AP3B1: variants seen among roughly 807,000 people sequenced by gnomAD.
AP3B1 encodes adaptor related protein complex 3 subunit beta 1, also known as AP-3 complex subunit beta-1.
AP3B1 carries 61 observed loss-of-function variants against 132.5 expected under a neutral mutation model. The ratio of observed to expected loss-of-function variants is 0.46; its 90% CI spans 0.37 to 0.57. The LOEUF (loss-of-function observed/expected upper bound fraction) is 0.57. Ranked by LOEUF, AP3B1 falls within the 20% of genes least tolerant of loss-of-function variation. AP3B1 has a pLI of 0.00. For missense variants in AP3B1, 1,120 were observed against 1,289.4 expected (o/e 0.87, Z 2.01); for synonymous variants, 388 against 438.3 (o/e 0.89, Z 1.43).
rs146829387 is a variant in AP3B1, at chr5:78,110,278, C to T, written c.2326G>A (p.Glu776Lys). Reference protein sequence around the residue: ...DSSNDESSSIEDSSSDSESES... With the variant: ...DSSNDESSSIKDSSSDSESES... Reference sequence around the variant, plus strand: ...GATTCAGAATCGGAAGAACTGTCTTCTATTGAACTAGATTCGTCATTTGAA... The same window carrying T: ...GATTCAGAATCGGAAGAACTGTCTTTTATTGAACTAGATTCGTCATTTGAA... Residue 776 changes from glutamate to lysine, a missense_variant, in exon 20 of 27, where the codon GAA (glutamate) becomes AAA (lysine). Glu to Lys is a moderately conservative substitution (Grantham distance 56, BLOSUM62 1). Coordinates refer to ENST00000255194, the MANE Select transcript of AP3B1 (RefSeq NM_003664.5). 10 of 1,609,140 alleles carry T rather than the reference C, an allele frequency of 6.2e-6. No individual in the cohort carries two copies. In the African/African-American group the frequency reaches 1.2e-4, roughly 19 times the overall value.
intron 1 of AP3B1, among the ~76,000 whole-genome samples, chr5:78,288,092 G>A (rs557448541): frequency 1.5e-4 from 23 of 152,234 alleles, no homozygotes; most frequent in African/African-American, 5.3e-4. Flanking sequence ...ACACTTCAAC[G>A]TCTCAAACTA....
intron 22 of AP3B1, among the ~76,000 whole-genome samples, chr5:78,045,109 G>A (rs1748267948): frequency 6.6e-6 from 1 of 151,928 alleles, no homozygotes; most frequent in Admixed American, 6.6e-5. Flanking sequence ...AGCCAGGTGT[G>A]GTGGCTCATG....
At chr5:78,261,856 A>T (rs1748109692) in intron 2 of AP3B1, among the ~76,000 whole-genome samples, 1 of 151,334 alleles carries the variant, frequency 6.6e-6, no homozygotes, top group South Asian at 2.1e-4. Context: ...GGTTCAAGCA[A>T]TTCTCCTGCC....
At chr5:78,096,906 G>A (rs1343165537) in intron 21 of AP3B1, among the ~76,000 whole-genome samples, 4 of 143,418 alleles carry the variant, frequency 2.8e-5, no homozygotes, top group African/African-American at 7.9e-5. Context: ...CCCCCCGCCC[G>A]GCCAGCCGCC....
chr5:78,185,772 A>T (rs949754861), intron 7 of AP3B1, among the ~76,000 whole-genome samples: 18 of 152,280 alleles, frequency 1.2e-4, no homozygotes, highest in African/African-American at 4.3e-4. Flanking sequence ...CAGGAGGCTG[A>T]GGTGGGAGGA....
In AP3B1 at chr5:78,178,013, G is replaced by GA. The variant is rs1329403238; in HGVS notation, c.943-578dup. Reference sequence around the variant, plus strand: ...GTGCTATGAAAAGAATACATCCTCAGAAAAAAAAAGAGACACTGAATGAAC... The same window carrying GA: ...GTGCTATGAAAAGAATACATCCTCAGAAAAAAAAAAGAGACACTGAATGAAC... On this transcript the variant is annotated intron_variant, in intron 8 of 26. Coordinates refer to ENST00000255194, the MANE Select transcript of AP3B1 (RefSeq NM_003664.5). Among the ~76,000 whole-genome samples the GA allele has an allele frequency of 3.3e-5, 5 of 150,736 alleles. No individual in the cohort carries two copies. The East Asian group carries it at 5.8e-4, about 17-fold the overall frequency.
chr5:78,166,174 A>T, intron 11 of AP3B1, among the ~76,000 whole-genome samples: 1 of 139,396 alleles, frequency 7.2e-6, no homozygotes, highest in East Asian at 2.1e-4. Context: ...CACACACACA[A>T]ATCATATTGT....
chr5:78,004,475 C>G (rs1046573031), intron 26 of AP3B1, among the ~76,000 whole-genome samples: 3 of 152,082 alleles, frequency 2.0e-5, no homozygotes, highest in Non-Finnish European at 2.9e-5. Context: ...AAAGTAATTT[C>G]TTTTTTGGGT....
At chr5:78,127,963 T>C in intron 17 of AP3B1, 67 bp downstream of exon 17, 4 of 1,582,758 alleles carry the variant, frequency 2.5e-6, no homozygotes, top group Admixed American at 1.7e-5. Context: ...AGCTTTTATA[T>C]AAAACAATAG....
chr5:78,036,328 C>G (rs1042712817), intron 23 of AP3B1, among the ~76,000 whole-genome samples: 1 of 152,090 alleles, frequency 6.6e-6, no homozygotes, highest in African/African-American at 2.4e-5. Flanking sequence ...AAAGCTTACC[C>G]AATTAGGTGT....
At chr5:78,262,264 CTTGT>C (rs1385389637) in intron 2 of AP3B1, among the ~76,000 whole-genome samples, 1 of 151,702 alleles carries the variant, frequency 6.6e-6, no homozygotes, top group Non-Finnish European at 1.5e-5. Flanking sequence ...TTTTACTGTT[CTTGT>C]TTTAGTGTTG....
chr5:78,084,521 C>CAAAAAAAAAAAA (rs568637894), intron 22 of AP3B1, among the ~76,000 whole-genome samples: 13 of 43,994 alleles, frequency 3.0e-4, no homozygotes, highest in East Asian at 9.5e-4. Context: ...CAGACCCTGT[C>CAAAAAAAAAAAA]AAAAAAAAAA....
chr5:78,057,159 C>A (rs112094151), intron 22 of AP3B1, among the ~76,000 whole-genome samples: 1 of 152,190 alleles, frequency 6.6e-6, no homozygotes, highest in African/African-American at 2.4e-5. Flanking sequence ...AGATTTCCCA[C>A]GGCATGAATC....
chr5:78,047,448 A>G (rs751509047), intron 22 of AP3B1, among the ~76,000 whole-genome samples: 8 of 152,156 alleles, frequency 5.3e-5, no homozygotes, highest in Non-Finnish European at 8.8e-5. Flanking sequence ...TTCTCTAATG[A>G]CCAGTGATGA....
In AP3B1 at chr5:78,128,160, T is replaced by C; in HGVS notation, c.1838A>G (p.Asp613Gly). Residue 613 changes from aspartate (D) to glycine (G), a missense_variant and splice_region_variant, in exon 17 of 27, where the codon GAT becomes GGT. Physicochemically the swap from Asp to Gly is moderately conservative, Grantham distance 94. This residue lies in a region of AP3B1 where 906 missense variants were observed against 997.1 expected (regional missense o/e 0.91). Coordinates refer to ENST00000255194, the MANE Select transcript of AP3B1 (RefSeq NM_003664.5). ...PAPLLESPFK[D>G]RDHFQLGTLS... ...GGTGCCAAGCTGGAAATGATCTCTATCTATTAAAAATAGGGAAAAATATAA... is the reference window on the plus strand; with the variant it reads ...GGTGCCAAGCTGGAAATGATCTCTACCTATTAAAAATAGGGAAAAATATAA... The C allele has an allele frequency of 1.3e-6, 2 of 1,599,874 alleles. No homozygotes were observed. Among genetic ancestry groups the C allele is most frequent in the Non-Finnish European group, 1.7e-6 (2 of 1,167,970 alleles).
At chr5:78,088,971 A>T (rs1750386175) in intron 22 of AP3B1, 1 of 160,446 alleles carries the variant, frequency 6.2e-6, no homozygotes, top group African/African-American at 2.4e-5. Flanking sequence ...CAGAAAAAAA[A>T]ATCTTGAACT....
chr5:78,053,810 C>T (rs2112129823), intron 22 of AP3B1, among the ~76,000 whole-genome samples: 1 of 152,174 alleles, frequency 6.6e-6, no homozygotes, highest in Middle Eastern at 3.4e-3. Context: ...TCTAATTTGC[C>T]CCCGTCATTA....
intron 12 of AP3B1, among the ~76,000 whole-genome samples, chr5:78,163,355 C>T (rs1289072512): frequency 6.6e-6 from 1 of 151,962 alleles, no homozygotes; most frequent in African/African-American, 2.4e-5. Flanking sequence ...TTTTCAGAGA[C>T]ACTAAATCTA....
chr5:78,094,658 CA>C (rs1270013118), intron 21 of AP3B1, among the ~76,000 whole-genome samples: 1 of 151,956 alleles, frequency 6.6e-6, no homozygotes, highest in East Asian at 1.9e-4. Flanking sequence ...ATGCCTCTAA[CA>C]GCTTGACTGA....
Sources: allele counts gnomAD v4.1 joint callset (sites outside exome capture counted in the v4.1 genomes callset), GRCh38; gene constraint gnomAD v4.1.1; regional missense constraint gnomAD v4.1.1; transcripts MANE v1.5; gene names NCBI Gene and HGNC (gene_info 2026-07-23, HGNC 2026-07-21).